The following COL12A1 variants were observed in gnomAD, a reference collection of about 807,000 sequenced individuals.
COL12A1 encodes collagen alpha-1(XII) chain.
In COL12A1, 114 loss-of-function variants were observed where a neutral mutation model predicts 349.7. The ratio of observed to expected loss-of-function variants is 0.33; its 90% confidence interval spans 0.28 to 0.38. COL12A1 has a LOEUF of 0.38. COL12A1 is among the 10% of genes least tolerant of loss of function. COL12A1 has a pLI of 1.00. For missense variants in COL12A1, 3,284 were observed against 3,756.9 expected (o/e 0.87, Z 3.29); for synonymous variants, 1,369 against 1,329.0 (o/e 1.03, Z -0.66).
intron 46 of COL12A1, among the ~76,000 whole-genome samples, chr6:75,118,121 A>G (rs1023537023): frequency 2.6e-5 from 4 of 152,198 alleles, no homozygotes; most frequent in Non-Finnish European, 5.9e-5. Context: ...AAAGCTATAT[A>G]AGGAATTAGA....
At chr6:75,123,151 T>C (rs182149571) in intron 43 of COL12A1, among the ~76,000 whole-genome samples, 179 bp downstream of exon 43, 1 of 152,310 alleles carries the variant, frequency 6.6e-6, no homozygotes, top group Non-Finnish European at 1.5e-5. Flanking sequence ...CACCAAAATG[T>C]GCCCAGAGAT....
At chr6:75,094,166 CAT>C (rs1471929936) in intron 60 of COL12A1, among the ~76,000 whole-genome samples, 4 of 152,058 alleles carry the variant, frequency 2.6e-5, no homozygotes, top group Admixed American at 6.5e-5. Flanking sequence ...CAAGGCAAGC[CAT>C]ATCACATAAA....
At chr6:75,113,838 T>G (rs1395860600) in intron 49 of COL12A1, 94 bp from the exon 50 acceptor site, 17 of 931,740 alleles carry the variant, frequency 1.8e-5, no homozygotes, top group Non-Finnish European at 2.4e-5. Flanking sequence ...GAACAGATAC[T>G]CTTTTAAATC....
chr6:75,102,490 G>T, intron 56 of COL12A1, 107 bp downstream of exon 56: 1 of 811,164 alleles, frequency 1.2e-6, no homozygotes, highest in East Asian at 3.2e-5. Flanking sequence ...GACTAACCTC[G>T]TTGAATTATC....
intron 37 of COL12A1, among the ~76,000 whole-genome samples, chr6:75,129,003 A>C (rs1766165404): frequency 6.6e-6 from 1 of 152,246 alleles, no homozygotes; most frequent in South Asian, 2.1e-4. Flanking sequence ...TCTCTCTTCT[A>C]AACCTATGCT....
At chr6:75,148,855 A>T (rs992085428) in intron 21 of COL12A1, among the ~76,000 whole-genome samples, 2 of 152,178 alleles carry the variant, frequency 1.3e-5, no homozygotes, top group African/African-American at 4.8e-5. Flanking sequence ...TGTAGCTCCC[A>T]TAAGTCCCAA....
At chr6:75,179,638 C>G (rs1562286996) in intron 11 of COL12A1, among the ~76,000 whole-genome samples, 1 of 152,076 alleles carries the variant, frequency 6.6e-6, no homozygotes, top group Non-Finnish European at 1.5e-5. Context: ...CCAATGTGCA[C>G]CATCCCTGTC....
chr6:75,133,166 G>A (rs970351657), intron 34 of COL12A1, 127 bp downstream of exon 34: 6 of 818,592 alleles, frequency 7.3e-6, no homozygotes, highest in African/African-American at 1.8e-5. Context: ...GTAAACTATG[G>A]CTAATTTTTA....
Position 75,126,374 on chromosome 6 carries a change from T to C in COL12A1, c.6437A>G (p.Tyr2146Cys), listed in dbSNP as rs1465010639. The C allele has an allele frequency of 6.2e-7, 1 of 1,610,954 alleles. No homozygotes were observed. The highest frequency in any genetic ancestry group is 8.5e-7 in the Non-Finnish European group (1 of 1,177,554). Residue 2146 changes from tyrosine to cysteine, a missense_variant, in exon 39 of 66, where the codon TAT (tyrosine) becomes TGT (cysteine). Transcript: ENST00000322507. ...ACCCACTGGCTTATATACTATTTTA[T>C]ATCCAAGAACTGGAGAAGGTGAAGG... is the stretch of plus-strand genomic sequence containing the variant. ...WDPSPSPVLGYKIVYKPVGSN... is the reference protein window; with the variant it reads ...WDPSPSPVLGCKIVYKPVGSN...
At chr6:75,186,648 T>G (rs1460345942) in intron 8 of COL12A1, among the ~76,000 whole-genome samples, 1 of 152,096 alleles carries the variant, frequency 6.6e-6, no homozygotes, top group Non-Finnish European at 1.5e-5. Flanking sequence ...AATCATCCTA[T>G]TATAAAGATA....
At chr6:75,116,267 TA>T (rs1164685735) in intron 47 of COL12A1, among the ~76,000 whole-genome samples, 1 of 152,182 alleles carries the variant, frequency 6.6e-6, no homozygotes, top group East Asian at 1.9e-4. Flanking sequence ...AATATTTCCC[TA>T]ACATTCTCTA....
At chr6:75,114,653 C>T (rs1768989301) in intron 49 of COL12A1, among the ~76,000 whole-genome samples, 1 of 152,036 alleles carries the variant, frequency 6.6e-6, no homozygotes, top group South Asian at 2.1e-4. Context: ...TAATACCACA[C>T]CACTAATGCC....
At chr6:75,125,487 G>A in intron 39 of COL12A1, among the ~76,000 whole-genome samples, 1 of 152,066 alleles carries the variant, frequency 6.6e-6, no homozygotes, top group East Asian at 1.9e-4. Flanking sequence ...TCAAAGCATA[G>A]CACAGTATTT....
Position 75,141,982 on chromosome 6 carries a change from G to T in COL12A1, c.4957+50C>A, listed in dbSNP as rs2239642. ...TGACCCAGTAAATTGTGTTACACAT[G>T]CATGTAAAGTGTTGTTTCCCATTAT... is the stretch of plus-strand genomic sequence containing the variant. On this transcript the variant is annotated intron_variant, in intron 27 of 65. Coordinates refer to ENST00000322507, the MANE Select transcript of COL12A1 (RefSeq NM_004370.6). 7.0e-3 allele frequency: 11,192 copies of T among 1,606,932 alleles called. 563 individuals are homozygous for T. The East Asian group carries it at 0.14, about 20-fold the overall frequency.
At position 75,124,532 on chromosome 6, in the gene COL12A1, T is replaced by C. The variant is rs51630; in HGVS notation, c.6608-161A>G. Among the ~76,000 whole-genome samples, 114,137 of 152,008 alleles carry C rather than the reference T, an allele frequency of 0.75. 43,120 individuals carry two copies. The highest frequency in any genetic ancestry group is 0.83 in the African/African-American group (34,513 of 41,482). On this transcript the variant is annotated intron_variant, in intron 40 of 65. Coordinates refer to ENST00000322507, the MANE Select transcript of COL12A1 (RefSeq NM_004370.6). ...CATACATGAATCATATTTAAAAATG[T>C]GGTACTGCCAAAATAGACCCCCCTT...
intron 65 of COL12A1, chr6:75,087,337 G>A (rs1260654789): frequency 2.2e-6 from 1 of 451,050 alleles, no homozygotes; most frequent in Non-Finnish European, 3.8e-6. Context: ...AGTAAGGGGA[G>A]GTTTATGATG....
chr6:75,096,092 T>C (rs1234684735), intron 59 of COL12A1, among the ~76,000 whole-genome samples: 1 of 152,174 alleles, frequency 6.6e-6, no homozygotes, highest in Non-Finnish European at 1.5e-5. Context: ...TTTCTCCCTG[T>C]TGCTTTTACC....
intron 13 of COL12A1, among the ~76,000 whole-genome samples, chr6:75,171,774 A>G (rs1768647989): frequency 6.6e-6 from 1 of 152,258 alleles, no homozygotes; most frequent in Non-Finnish European, 1.5e-5. Context: ...CTGAGTTAAT[A>G]CAATAAAATG....
chr6:75,174,259 T>C (rs183973929), intron 13 of COL12A1, among the ~76,000 whole-genome samples: 1 of 152,116 alleles, frequency 6.6e-6, no homozygotes, highest in African/African-American at 2.4e-5. Flanking sequence ...AGAAAACAAA[T>C]AGAAACTTGG....
Sources: allele counts gnomAD v4.1 joint callset (sites outside exome capture counted in the v4.1 genomes callset), GRCh38; gene constraint gnomAD v4.1.1; transcripts MANE v1.5; gene names NCBI Gene and HGNC (gene_info 2026-07-23, HGNC 2026-07-21).